GRIK2: variants seen among roughly 807,000 people sequenced by gnomAD.
The protein encoded by GRIK2 is glutamate receptor ionotropic, kainate 2.
GRIK2 carries 32 observed loss-of-function variants against 100.3 expected under a neutral mutation model. The ratio of observed to expected loss-of-function variants is 0.32; its 90% confidence interval spans 0.24 to 0.43. The LOEUF (loss-of-function observed/expected upper bound fraction) is 0.43. GRIK2 is among the 20% of genes least tolerant of loss of function. GRIK2 has a pLI of 1.00. For synonymous variants in GRIK2, 417 were observed against 389.4 expected (o/e 1.07, Z -0.83); for missense variants, 843 against 1,114.9 (o/e 0.76, Z 3.47).
At chr6:101,915,598 C>T (rs1306755797) in intron 12 of GRIK2, among the ~76,000 whole-genome samples, 1 of 151,238 alleles carries the variant, frequency 6.6e-6, no homozygotes, top group East Asian at 1.9e-4. Flanking sequence ...GATAACTGCA[C>T]AGACGAAACT....
At chr6:101,722,251 T>C (rs1161151984) in intron 7 of GRIK2, among the ~76,000 whole-genome samples, 1 of 151,882 alleles carries the variant, frequency 6.6e-6, no homozygotes, top group Non-Finnish European at 1.5e-5. Context: ...ATACCAGGAG[T>C]AGGCTAGAAC....
intron 2 of GRIK2, among the ~76,000 whole-genome samples, chr6:101,586,148 A>G (rs182178164): frequency 7.2e-5 from 11 of 152,046 alleles, no homozygotes; most frequent in African/African-American, 2.4e-4. Flanking sequence ...CAGGAATAAG[A>G]AGCAATAGGT....
intron 7 of GRIK2, among the ~76,000 whole-genome samples, chr6:101,730,611 G>C (rs1775194916): frequency 1.3e-5 from 2 of 151,820 alleles, no homozygotes; most frequent in South Asian, 4.1e-4. Flanking sequence ...CTTGATATGT[G>C]CCATTGTTTT....
chr6:101,796,872 A>G (rs1477589375), intron 7 of GRIK2, among the ~76,000 whole-genome samples: 1 of 152,100 alleles, frequency 6.6e-6, no homozygotes, highest in Non-Finnish European at 1.5e-5. Context: ...TAATAATATT[A>G]TCTAATTTTT....
chr6:102,051,870 A>G (rs1159610234), intron 15 of GRIK2, among the ~76,000 whole-genome samples: 6 of 152,176 alleles, frequency 3.9e-5, no homozygotes, highest in Non-Finnish European at 8.8e-5. Flanking sequence ...TTGAAAACAT[A>G]TACATATTTC....
At chr6:101,820,514 C>T (rs1284719154) in intron 10 of GRIK2, among the ~76,000 whole-genome samples, 3 of 152,112 alleles carry the variant, frequency 2.0e-5, no homozygotes, top group East Asian at 1.9e-4. Flanking sequence ...CTCATGATCT[C>T]GGCTCACTGC....
chr6:101,463,872 A>T (rs949705278), intron 2 of GRIK2, among the ~76,000 whole-genome samples: 1 of 152,134 alleles, frequency 6.6e-6, no homozygotes, highest in African/African-American at 2.4e-5. Flanking sequence ...GATGGTTAAT[A>T]CTGAGTGTCA....
At chr6:101,900,468 T>C (rs74822487) in intron 12 of GRIK2, among the ~76,000 whole-genome samples, 1 of 152,000 alleles carries the variant, frequency 6.6e-6, no homozygotes, top group Non-Finnish European at 1.5e-5. Flanking sequence ...CAACAACAAC[T>C]ACAAAATATA....
chr6:101,443,175 G>A (rs1770177521), intron 2 of GRIK2, among the ~76,000 whole-genome samples: 3 of 152,018 alleles, frequency 2.0e-5, no homozygotes, highest in African/African-American at 7.2e-5. Context: ...GGGATAAGAG[G>A]CACATAGTTA....
rs1056443993 is a variant in GRIK2, at chr6:101,811,670, C to T, written c.1204-6700C>T. Among the ~76,000 whole-genome samples, 14 of 151,690 alleles carry T rather than the reference C, an allele frequency of 9.2e-5. No homozygotes were observed. The East Asian group carries it at 1.5e-3, about 17-fold the overall frequency. On this transcript the variant is annotated intron_variant, in intron 9 of 16. Transcript: ENST00000369134. ...AAATAAGAAATGTGTGACATTGATCCGGTGTACACAAAACAGAGCTAACAT... is the reference window on the plus strand; with the variant it reads ...AAATAAGAAATGTGTGACATTGATCTGGTGTACACAAAACAGAGCTAACAT...
At position 101,962,678 on chromosome 6, in the gene GRIK2, T is replaced by A. The variant is rs924675115; in HGVS notation, c.2085+34046T>A. On this transcript the variant is annotated intron_variant, in intron 14 of 16. Coordinates refer to ENST00000369134, the MANE Select transcript of GRIK2 (RefSeq NM_021956.5). ...TTCTCCATTTCACATTTTAATTCTG[T>A]AATTTTTTGCTTCATATTTTGGGGT... 1.1e-4 allele frequency among the ~76,000 whole-genome samples: 16 copies of A among 152,336 alleles called. No individual in the cohort carries two copies. In the East Asian group the frequency reaches 2.9e-3, roughly 28 times the overall value.
chr6:101,958,388 C>G (rs1314993800), intron 14 of GRIK2, among the ~76,000 whole-genome samples: 1 of 151,600 alleles, frequency 6.6e-6, no homozygotes, highest in Non-Finnish European at 1.5e-5. Context: ...TATCCTGTAA[C>G]TTTTCTGAAG....
intron 12 of GRIK2, among the ~76,000 whole-genome samples, chr6:101,914,154 A>G (rs1238405927): frequency 6.6e-6 from 1 of 151,386 alleles, no homozygotes; most frequent in East Asian, 1.9e-4. Context: ...AATTATTTTG[A>G]AAAAAATAGG....
intron 10 of GRIK2, among the ~76,000 whole-genome samples, chr6:101,833,484 C>T (rs887734163): frequency 6.6e-6 from 1 of 152,112 alleles, no homozygotes; most frequent in Non-Finnish European, 1.5e-5. Context: ...CCACCCACCT[C>T]GGCCTCCCAA....
intron 4 of GRIK2, among the ~76,000 whole-genome samples, chr6:101,642,913 C>T (rs1006702360): frequency 2.0e-5 from 3 of 151,470 alleles, no homozygotes; most frequent in Non-Finnish European, 1.5e-5. Context: ...TTTAATTGTA[C>T]TCATGTTGAT....
chr6:101,985,284 A>G (rs1357047184), intron 14 of GRIK2, among the ~76,000 whole-genome samples: 1 of 151,786 alleles, frequency 6.6e-6, no homozygotes, highest in Non-Finnish European at 1.5e-5. Context: ...CTGTTACATC[A>G]TTAAAGGAAA....
At chr6:101,867,865 C>T (rs1160311844) in intron 11 of GRIK2, among the ~76,000 whole-genome samples, 1 of 150,988 alleles carries the variant, frequency 6.6e-6, no homozygotes, top group African/African-American at 2.4e-5. Context: ...CTATTAATTG[C>T]AAAATTATAG....
intron 12 of GRIK2, among the ~76,000 whole-genome samples, chr6:101,910,580 G>T (rs1425945910): frequency 6.6e-6 from 1 of 151,166 alleles, no homozygotes; most frequent in Non-Finnish European, 1.5e-5. Flanking sequence ...TATTTATAAG[G>T]AAAGAACATA....
At chr6:101,529,007 T>C (rs1198195082) in intron 2 of GRIK2, among the ~76,000 whole-genome samples, 2 of 152,130 alleles carry the variant, frequency 1.3e-5, no homozygotes, top group African/African-American at 2.4e-5. Context: ...GCAAAATCCA[T>C]GCCTTTCACT....
Sources: allele counts gnomAD v4.1 joint callset (sites outside exome capture counted in the v4.1 genomes callset), GRCh38; gene constraint gnomAD v4.1.1; transcripts MANE v1.5; gene names NCBI Gene and HGNC (gene_info 2026-07-23, HGNC 2026-07-21).